Variants in PSEN1 observed in about 807,000 individuals in gnomAD.
PSEN1 encodes the protein presenilin-1.
Under a neutral mutation model 53.5 loss-of-function variants are expected in PSEN1, and 15 were observed. That is an observed-to-expected ratio of 0.28 (90% confidence interval 0.19 to 0.43). PSEN1 has a LOEUF of 0.43. Ranked by LOEUF, PSEN1 falls within the 20% of genes least tolerant of loss-of-function variation. PSEN1 has a pLI of 1.00. For synonymous variants in PSEN1, 208 were observed against 209.8 expected (o/e 0.99, Z 0.08); for missense variants, 387 against 571.2 (o/e 0.68, Z 3.29).
chr14:73,145,922 C>CA (rs1472305650), intron 1 of PSEN1, among the ~76,000 whole-genome samples: 2 of 151,976 alleles, frequency 1.3e-5, no homozygotes, highest in African/African-American at 4.8e-5. Context: ...GCCTGGCCAA[C>CA]ATGGTGAAAC....
intron 1 of PSEN1, among the ~76,000 whole-genome samples, chr14:73,137,739 G>T (rs1896786502): frequency 1.3e-5 from 2 of 152,156 alleles, no homozygotes; most frequent in Non-Finnish European, 2.9e-5. Context: ...TGAGTGTTAG[G>T]CCTGGTGTAG....
chr14:73,172,247 A>G (rs1897913485), intron 4 of PSEN1, among the ~76,000 whole-genome samples: 2 of 152,216 alleles, frequency 1.3e-5, no homozygotes, highest in African/African-American at 4.8e-5. Context: ...CATGGGGTCC[A>G]AAGAAGAGTT....
At chr14:73,166,073 A>T (rs1287543607) in intron 3 of PSEN1, among the ~76,000 whole-genome samples, 1 of 141,332 alleles carries the variant, frequency 7.1e-6, no homozygotes, top group Non-Finnish European at 1.6e-5. Context: ...ATAATAATAA[A>T]ATAAAAATAA....
intron 9 of PSEN1, among the ~76,000 whole-genome samples, chr14:73,207,269 A>AG (rs1469478041): frequency 1.3e-5 from 2 of 152,034 alleles, no homozygotes; most frequent in African/African-American, 4.8e-5. Flanking sequence ...GATGGAGTTG[A>AG]GGGGGAGCTT....
At chr14:73,217,334 A>T in intron 11 of PSEN1, 90 bp downstream of exon 11, 1 of 1,458,630 alleles carries the variant, frequency 6.9e-7, no homozygotes, top group Non-Finnish European at 9.6e-7. Flanking sequence ...TTTTAACCCC[A>T]GGTGGGTTAA....
chr14:73,149,238 A>G (rs1332892689), intron 3 of PSEN1, among the ~76,000 whole-genome samples: 1 of 151,738 alleles, frequency 6.6e-6, no homozygotes, highest in Non-Finnish European at 1.5e-5. Context: ...AGTCCCAGCT[A>G]CTCAGGAACT....
At chr14:73,182,875 ATAAG>A (rs1245399131) in intron 5 of PSEN1, among the ~76,000 whole-genome samples, 3 of 152,140 alleles carry the variant, frequency 2.0e-5, no homozygotes, top group African/African-American at 4.8e-5. Flanking sequence ...AAAGAAATAA[ATAAG>A]AACATCTCCT....
In PSEN1 at chr14:73,170,892, G is replaced by A; in HGVS notation, c.183G>A (p.Gln61=). ...SNGRPQGNSR[Q]VVEQDEEEDE... Reference sequence around the variant, plus strand: ...GACGACCCCAGGGTAACTCCCGGCAGGTGGTGGAGCAAGATGAGGAAGAAG... The same window carrying A: ...GACGACCCCAGGGTAACTCCCGGCAAGTGGTGGAGCAAGATGAGGAAGAAG... Residue 61 remains glutamine (Q), a synonymous_variant, in exon 4 of 12, where the codon CAG becomes CAA. Coordinates refer to ENST00000324501, the MANE Select transcript of PSEN1 (RefSeq NM_000021.4). The A allele has an allele frequency of 6.2e-7, 1 of 1,614,240 alleles. No individual in the cohort carries two copies. Among genetic ancestry groups the A allele is most frequent in the South Asian group, 1.1e-5 (1 of 91,090 alleles).
intron 3 of PSEN1, among the ~76,000 whole-genome samples, chr14:73,159,495 G>GT (rs1483496622): frequency 6.6e-6 from 1 of 152,152 alleles, no homozygotes; most frequent in Non-Finnish European, 1.5e-5. Flanking sequence ...TCCTTTTGAA[G>GT]TTGATTGTTA....
intron 7 of PSEN1, among the ~76,000 whole-genome samples, chr14:73,197,099 A>AT (rs932970835): frequency 2.2e-4 from 33 of 151,864 alleles, no homozygotes; most frequent in African/African-American, 7.0e-4. Context: ...CACCCAGCTA[A>AT]TTTTTTGTAT....
intron 3 of PSEN1, among the ~76,000 whole-genome samples, chr14:73,148,918 C>T (rs970641129): frequency 2.0e-5 from 3 of 151,270 alleles, no homozygotes; most frequent in African/African-American, 7.3e-5. Flanking sequence ...GGGCGACGAG[C>T]GAAACTCCAT....
Position 73,148,064 on chromosome 14 carries a change from G to T in PSEN1, c.45G>T (p.Gln15His). Reference protein sequence around the residue: ...PAPLSYFQNAQMSEDNHLSNT... With the variant: ...PAPLSYFQNAHMSEDNHLSNT... ...CGTTGTCCTACTTCCAGAATGCACA[G>T]ATGTCTGAGGACAACCACCTGAGCA... Residue 15 changes from glutamine (Q) to histidine (H), a missense_variant, in exon 3 of 12, where the codon CAG (glutamine) becomes CAT (histidine). Around this residue, in one of 4 missense-constraint regions of PSEN1, gnomAD observed 99 missense variants for 101.5 expected, o/e 0.98. Transcript: ENST00000324501. The T allele has an allele frequency of 2.5e-6, 4 of 1,614,082 alleles. No individual in the cohort carries two copies. The highest frequency in any genetic ancestry group is 3.4e-6 in the Non-Finnish European group (4 of 1,179,946).
chr14:73,201,162 C>T (rs1010611776), intron 8 of PSEN1, among the ~76,000 whole-genome samples: 3 of 152,126 alleles, frequency 2.0e-5, no homozygotes, highest in African/African-American at 7.2e-5. Flanking sequence ...GATCTCGGCT[C>T]ACTGCAAGCT....
chr14:73,173,282 G>T (rs1328616061), intron 4 of PSEN1, among the ~76,000 whole-genome samples: 1 of 152,038 alleles, frequency 6.6e-6, no homozygotes, highest in East Asian at 1.9e-4. Flanking sequence ...ATTTGATGAG[G>T]TATTATAATT....
intron 10 of PSEN1, among the ~76,000 whole-genome samples, chr14:73,216,155 C>T (rs191511359): frequency 6.6e-6 from 1 of 152,238 alleles, no homozygotes. Context: ...ATGGTTAAAC[C>T]TCAAAAACAT....
rs1897554086 is a variant in PSEN1, at chr14:73,161,980, C to T, written c.88-8817C>T. 2.1e-5 allele frequency among the ~76,000 whole-genome samples: 3 copies of T among 142,586 alleles called. No individual in the cohort carries two copies. In the South Asian group the frequency reaches 6.7e-4, roughly 32 times the overall value. The allele number at this position is 142,586 out of a possible 152,430, so 93.5% of individuals were successfully genotyped here. A position where few individuals can be genotyped will look rare whatever the true frequency, so the allele number is the denominator to read the frequency against. On this transcript the variant is annotated intron_variant, in intron 3 of 11. Transcript: ENST00000324501. Reference sequence around the variant, plus strand: ...GACCAGCCTGGCTAACATGGCGAAACCCCGTTTCCACTAAAAAAAAAAAAA... The same window carrying T: ...GACCAGCCTGGCTAACATGGCGAAATCCCGTTTCCACTAAAAAAAAAAAAA...
intron 11 of PSEN1, among the ~76,000 whole-genome samples, chr14:73,217,944 C>T (rs182866626): frequency 5.9e-4 from 89 of 151,652 alleles, no homozygotes; most frequent in African/African-American, 2.1e-3. Context: ...CCTGCCACCA[C>T]GCCCGGCTAA....
intron 6 of PSEN1, among the ~76,000 whole-genome samples, chr14:73,192,284 T>C (rs1391774809): frequency 1.3e-5 from 2 of 151,654 alleles, no homozygotes; most frequent in Non-Finnish European, 2.9e-5. Context: ...CAAAAAAAAT[T>C]AGAAAAATTA....
At chr14:73,191,015 G>A (rs1350158951) in intron 6 of PSEN1, among the ~76,000 whole-genome samples, 1 of 152,174 alleles carries the variant, frequency 6.6e-6, no homozygotes, top group African/African-American at 2.4e-5. Context: ...GCCTAAAGGC[G>A]TGCTTGCTTT....
Sources: gnomAD v4.1 joint callset for allele counts (sites outside exome capture counted in the v4.1 genomes callset) on GRCh38, gnomAD v4.1.1 for gene constraint, gnomAD v4.1.1 regional missense constraint, MANE v1.5 for transcripts, NCBI Gene and HGNC (gene_info 2026-07-23, HGNC 2026-07-21) for gene names.